The following GALNTL6 variants were observed in gnomAD, a reference collection of about 807,000 sequenced individuals.
GALNTL6 encodes polypeptide N-acetylgalactosaminyltransferase-like 6.
Under a neutral mutation model 73.7 loss-of-function variants are expected in GALNTL6, and 46 were observed. The observed-to-expected ratio is 0.62, with a 90% CI of 0.49 to 0.80. The LOEUF is 0.80. GALNTL6 is among the 30% of genes least tolerant of loss of function. The pLI, the probability that GALNTL6 is intolerant of heterozygous loss-of-function variation, is 0.00. For synonymous variants in GALNTL6, 259 were observed against 263.7 expected (o/e 0.98, Z 0.17); for missense variants, 604 against 755.0 (o/e 0.80, Z 2.34).
chr4:172,389,283 A>C (rs1484548092), intron 5 of GALNTL6, among the ~76,000 whole-genome samples: 1 of 152,048 alleles, frequency 6.6e-6, no homozygotes, highest in East Asian at 1.9e-4. Flanking sequence ...TGTTTTAAAA[A>C]TAACAGCAGA....
At chr4:172,375,629 C>T (rs575625171) in intron 5 of GALNTL6, among the ~76,000 whole-genome samples, 18 of 152,248 alleles carry the variant, frequency 1.2e-4, no homozygotes, top group Admixed American at 3.9e-4. Flanking sequence ...CCCTGCTGAT[C>T]GGAATAGTTG....
intron 3 of GALNTL6, among the ~76,000 whole-genome samples, chr4:172,290,122 T>G (rs960032129): frequency 6.6e-5 from 10 of 152,170 alleles, no homozygotes. Context: ...GTATAGGGAC[T>G]TTCTCTTTCA....
chr4:172,262,805 G>T (rs1466450272), intron 3 of GALNTL6, among the ~76,000 whole-genome samples: 3 of 151,492 alleles, frequency 2.0e-5, no homozygotes, highest in Admixed American at 6.6e-5. Flanking sequence ...TTCTTGTAGT[G>T]CTGGCTTAGT....
At chr4:172,130,204 G>C (rs1466452832) in intron 2 of GALNTL6, among the ~76,000 whole-genome samples, 4 of 107,986 alleles carry the variant, frequency 3.7e-5, no homozygotes, top group African/African-American at 1.4e-4. Context: ...TTTTTTTTTA[G>C]CATAAGATTG....
At chr4:172,085,278 C>A (rs1036375614) in intron 2 of GALNTL6, among the ~76,000 whole-genome samples, 1 of 152,068 alleles carries the variant, frequency 6.6e-6, no homozygotes, top group African/African-American at 2.4e-5. Flanking sequence ...AAATTGGTTA[C>A]TTTTTAAGGA....
intron 2 of GALNTL6, among the ~76,000 whole-genome samples, chr4:171,875,482 C>G (rs948850582): frequency 3.9e-5 from 6 of 152,124 alleles, no homozygotes; most frequent in African/African-American, 1.4e-4. Context: ...CCCTTACTGT[C>G]AGTTGATGCA....
chr4:172,536,378 G>A (rs539811111), intron 5 of GALNTL6, among the ~76,000 whole-genome samples: 48 of 152,314 alleles, frequency 3.2e-4, no homozygotes, highest in African/African-American at 1.2e-3. Flanking sequence ...ACAGAAAGAT[G>A]TGGGAAAGTT....
intron 2 of GALNTL6, among the ~76,000 whole-genome samples, chr4:171,979,869 A>G (rs1250674121): frequency 6.6e-6 from 1 of 151,842 alleles, no homozygotes; most frequent in African/African-American, 2.4e-5. Context: ...GTATTTGAAG[A>G]CAAAATTGTT....
At chr4:172,305,850 C>T (rs1052541739) in intron 3 of GALNTL6, among the ~76,000 whole-genome samples, 1 of 151,996 alleles carries the variant, frequency 6.6e-6, no homozygotes, top group African/African-American at 2.4e-5. Flanking sequence ...GAGAATCATT[C>T]ATTCATTTAA....
intron 5 of GALNTL6, among the ~76,000 whole-genome samples, chr4:172,566,275 A>G (rs1246717847): frequency 2.6e-5 from 4 of 152,202 alleles, no homozygotes; most frequent in Admixed American, 6.5e-5. Flanking sequence ...ATTATCCAAG[A>G]TAGATATTCT....
intron 2 of GALNTL6, among the ~76,000 whole-genome samples, chr4:172,085,915 C>A (rs1732020339): frequency 1.3e-5 from 2 of 152,112 alleles, no homozygotes; most frequent in Admixed American, 6.5e-5. Context: ...ACTCAAATAT[C>A]TAGATTAGTG....
At chr4:172,831,897 C>A (rs1004051210) in intron 7 of GALNTL6, among the ~76,000 whole-genome samples, 1 of 152,164 alleles carries the variant, frequency 6.6e-6, no homozygotes, top group African/African-American at 2.4e-5. Context: ...TGAGGGCTGT[C>A]CCCAGAACCG....
intron 2 of GALNTL6, among the ~76,000 whole-genome samples, chr4:172,093,717 C>T (rs762137612): frequency 2.0e-5 from 3 of 152,136 alleles, no homozygotes; most frequent in Non-Finnish European, 2.9e-5. Context: ...ACTGCACATG[C>T]GAAGAATTTA....
chr4:172,314,410 A>G (rs1740470012), intron 4 of GALNTL6, among the ~76,000 whole-genome samples: 1 of 152,100 alleles, frequency 6.6e-6, no homozygotes. Context: ...TCTAAAGCAT[A>G]CTAGCCGGAC....
intron 2 of GALNTL6, among the ~76,000 whole-genome samples, chr4:172,048,447 A>G (rs1422993845): frequency 2.0e-5 from 3 of 152,160 alleles, no homozygotes; most frequent in African/African-American, 7.2e-5. Flanking sequence ...TGAATAAAAT[A>G]TCTGCTAATC....
At chr4:172,483,394 T>G (rs1185119234) in intron 5 of GALNTL6, among the ~76,000 whole-genome samples, 1 of 152,162 alleles carries the variant, frequency 6.6e-6, no homozygotes, top group Admixed American at 6.5e-5. Flanking sequence ...AGAAGAGTAA[T>G]GTATAGTCTG....
intron 2 of GALNTL6, among the ~76,000 whole-genome samples, chr4:172,099,444 G>T (rs903007524): frequency 1.3e-4 from 20 of 152,090 alleles, no homozygotes; most frequent in Admixed American, 6.6e-5. Context: ...AGAACTGAAG[G>T]TCCTGGGAAT....
At chr4:172,940,181 G>A (rs973022012) in intron 9 of GALNTL6, among the ~76,000 whole-genome samples, 3 of 147,016 alleles carry the variant, frequency 2.0e-5, no homozygotes, top group African/African-American at 5.0e-5. Context: ...ACAAAACCTC[G>A]CAAAACTTTT....
At chr4:172,631,053 A>T (rs1373329512) in intron 5 of GALNTL6, among the ~76,000 whole-genome samples, 1 of 152,002 alleles carries the variant, frequency 6.6e-6, no homozygotes, top group Non-Finnish European at 1.5e-5. Context: ...TGAAACATCA[A>T]CCAATGAAAA....
Sources: allele counts gnomAD v4.1 joint callset (sites outside exome capture counted in the v4.1 genomes callset), GRCh38; gene constraint gnomAD v4.1.1; transcripts MANE v1.5; gene names NCBI Gene and HGNC (gene_info 2026-07-23, HGNC 2026-07-21).